Variants in ACOX3 observed in about 807,000 individuals in gnomAD.
ACOX3 encodes peroxisomal acyl-coenzyme A oxidase 3.
In ACOX3, 73 loss-of-function variants were observed where a neutral mutation model predicts 81.5. The ratio of observed to expected loss-of-function variants is 0.90; its 90% CI spans 0.74 to 1.09. The LOEUF (loss-of-function observed/expected upper bound fraction) is 1.09. Among genes scored for constraint, ACOX3 ranks in the 50% least tolerant of loss-of-function variants. ACOX3 has a pLI of 0.00. For missense variants in ACOX3, 947 were observed against 928.0 expected (o/e 1.02, Z -0.27); for synonymous variants, 387 against 375.1 (o/e 1.03, Z -0.37).
At chr4:8,415,618 C>A in intron 3 of ACOX3, 148 bp downstream of exon 3, 1 of 668,448 alleles carries the variant, frequency 1.5e-6, no homozygotes, top group Non-Finnish European at 2.5e-6. Context: ...TTTTTAAAAA[C>A]ATTAAAAAAA....
chr4:8,424,786 C>T (rs1380292526), intron 1 of ACOX3, among the ~76,000 whole-genome samples: 1 of 152,210 alleles, frequency 6.6e-6, no homozygotes, highest in Non-Finnish European at 1.5e-5. Context: ...CTACGCCGCT[C>T]GAGGGGACCT....
intron 15 of ACOX3, 110 bp downstream of exon 15, chr4:8,374,868 C>T: frequency 8.1e-7 from 1 of 1,235,264 alleles, no homozygotes. Context: ...ATCCGCCGTG[C>T]TCAGTGAGTC....
chr4:8,356,384 C>T, the ACOX3 span: 11 of 385,646 alleles, frequency 2.9e-5, no homozygotes, highest in African/African-American at 8.3e-5. Flanking sequence ...GACCAACTCA[C>T]GCACAGTGAT....
rs1201878929 is a variant in ACOX3, at chr4:8,432,802, G to C, written c.-15+7846C>G. Among the ~76,000 whole-genome samples, 2 of 152,212 alleles carry C rather than the reference G, an allele frequency of 1.3e-5. No individual in the cohort carries two copies. The highest frequency in any genetic ancestry group is 2.9e-5 in the Non-Finnish European group (2 of 68,034). ...TTAGACGCTGACAACTCAGAATGGAGGGGCTTTAAGGGTCCCAGGTGAGTG... is the reference window on the plus strand; with the variant it reads ...TTAGACGCTGACAACTCAGAATGGACGGGCTTTAAGGGTCCCAGGTGAGTG... On this transcript the variant is annotated intron_variant, in intron 1 of 17. Transcript: ENST00000356406. This position sits in a 1 kb window ranked among gnomAD's most constrained non-coding sequence, Gnocchi z 6.2.
Position 8,432,454 on chromosome 4 carries a change from C to T in ACOX3, c.-15+8194G>A, listed in dbSNP as rs1232282380. Among the ~76,000 whole-genome samples the T allele has an allele frequency of 2.6e-5, 4 of 152,000 alleles. No homozygotes were observed. The highest frequency in any genetic ancestry group is 2.9e-5 in the Non-Finnish European group (2 of 68,006). ...TTCACTGTGTTAGCCAGGATAGTCTCGATCTCCTGACCTTGTGATCCACCC... is the reference window on the plus strand; with the variant it reads ...TTCACTGTGTTAGCCAGGATAGTCTTGATCTCCTGACCTTGTGATCCACCC... On this transcript the variant is annotated intron_variant, in intron 1 of 17. Transcript: ENST00000356406. The surrounding 1 kb of genome is among the most constrained non-coding windows in gnomAD (Gnocchi z 6.2).
chr4:8,379,934 A>G (rs1171300946), intron 14 of ACOX3, among the ~76,000 whole-genome samples: 1 of 151,752 alleles, frequency 6.6e-6, no homozygotes, highest in Non-Finnish European at 1.5e-5. Context: ...TACAGACATG[A>G]GCCAGTGCAG....
In ACOX3 at chr4:8,394,552, T is replaced by C. The variant is rs1719449468; in HGVS notation, c.1179+68A>G. 5.7e-6 allele frequency: 9 copies of C among 1,571,262 alleles called. No individual in the cohort carries two copies. The South Asian group carries it at 9.1e-5, about 16-fold the overall frequency. On this transcript the variant is annotated intron_variant, in intron 10 of 17. Coordinates refer to ENST00000356406, the MANE Select transcript of ACOX3 (RefSeq NM_003501.3). The surrounding 1 kb of genome is among the most constrained non-coding windows in gnomAD (Gnocchi z 5.9). ...GACTGATTTTGCTTTGAAATGAAGGTTGAATCTATGCTGCTCCAACCGTGT... is the reference window on the plus strand; with the variant it reads ...GACTGATTTTGCTTTGAAATGAAGGCTGAATCTATGCTGCTCCAACCGTGT...
chr4:8,406,119 C>A lies in ACOX3; in HGVS notation c.688-76G>T. ...AAATCAAAACAAATGTGTTCAGAAACCCACAGGGTGGGCCATGGGCTCAAC... is the reference window on the plus strand; with the variant it reads ...AAATCAAAACAAATGTGTTCAGAAAACCACAGGGTGGGCCATGGGCTCAAC... On this transcript the variant is annotated intron_variant, in intron 6 of 17. Transcript: ENST00000356406. This position sits in a 1 kb window ranked among gnomAD's most constrained non-coding sequence, Gnocchi z 5.6. 2 of 1,454,070 alleles carry A rather than the reference C, an allele frequency of 1.4e-6. No individual in the cohort carries two copies. Among genetic ancestry groups the A allele is most frequent in the Admixed American group, 3.3e-5 (2 of 59,734 alleles). The allele number at this position is 1,454,070 out of a possible 1,614,324, so 90.1% of individuals were successfully genotyped here.
chr4:8,397,600 C>G (rs1719861285), intron 8 of ACOX3, among the ~76,000 whole-genome samples: 1 of 152,242 alleles, frequency 6.6e-6, no homozygotes, highest in South Asian at 2.1e-4. Flanking sequence ...TTACGTGCGT[C>G]TAGCTGGAAT....
intron 10 of ACOX3, among the ~76,000 whole-genome samples, chr4:8,393,641 A>G (rs200346530): frequency 8.9e-4 from 47 of 52,990 alleles, no homozygotes; most frequent in African/African-American, 2.8e-3. Context: ...ACACACGCAC[A>G]CACACACACA....
intron 11 of ACOX3, 59 bp downstream of exon 11, chr4:8,392,274 C>A: frequency 7.2e-7 from 1 of 1,393,964 alleles, no homozygotes; most frequent in South Asian, 1.9e-5. Flanking sequence ...GACCCCTGGT[C>A]TAGAGTCAAA....
At chr4:8,429,209 G>A (rs150283200) in intron 1 of ACOX3, among the ~76,000 whole-genome samples, 2 of 152,138 alleles carry the variant, frequency 1.3e-5, no homozygotes, top group East Asian at 3.8e-4. Context: ...TAGAGAAAAC[G>A]CCACTCTTTG....
chr4:8,410,381 T>G (rs1448638240), intron 5 of ACOX3, 26 bp from the exon 6 acceptor site: 1 of 1,610,134 alleles, frequency 6.2e-7, no homozygotes, highest in African/African-American at 1.3e-5. Context: ...TTTAGGTTAG[T>G]TATAATTAGC....
chr4:8,380,755 C>T (rs1578874239), intron 14 of ACOX3, among the ~76,000 whole-genome samples: 3 of 152,338 alleles, frequency 2.0e-5, no homozygotes, highest in South Asian at 2.1e-4. Flanking sequence ...TCCGTATCCA[C>T]GGCCTCCCTG....
At position 8,368,922 on chromosome 4, in the gene ACOX3, C is replaced by T. The variant is rs1306362310; in HGVS notation, c.1984-1842G>A. On this transcript the variant is annotated intron_variant, in intron 17 of 17. Transcript: ENST00000356406. The surrounding 1 kb of genome is among the most constrained non-coding windows in gnomAD (Gnocchi z 5.9). ...CTCAAACTCCTGGGCTAAAGGGATC[C>T]GCCCGCCTCAGCCTTCCAAAGTGCT... Among the ~76,000 whole-genome samples the T allele has an allele frequency of 2.6e-5, 4 of 152,018 alleles. No individual in the cohort carries two copies. Among genetic ancestry groups the T allele is most frequent in the Admixed American group, 6.6e-5 (1 of 15,260 alleles).
At position 8,384,198 on chromosome 4, in the gene ACOX3, G is replaced by T. The variant is rs1326013656; in HGVS notation, c.1538-2591C>A. ...TGGGCTTCAAGTGAGAGGGACGCTT[G>T]AGAAATGAGTTATGTTTGCACTGTG... On this transcript the variant is annotated intron_variant, in intron 13 of 17. Coordinates refer to ENST00000356406, the MANE Select transcript of ACOX3 (RefSeq NM_003501.3). The surrounding 1 kb of genome is among the most constrained non-coding windows in gnomAD (Gnocchi z 5.3). Among the ~76,000 whole-genome samples, 1 of 152,236 alleles carries T rather than the reference G, an allele frequency of 6.6e-6. No individual in the cohort carries two copies. Among genetic ancestry groups the T allele is most frequent in the African/African-American group, 2.4e-5 (1 of 41,446 alleles).
chr4:8,380,093 C>T (rs1717449774), intron 14 of ACOX3, among the ~76,000 whole-genome samples: 1 of 152,182 alleles, frequency 6.6e-6, no homozygotes, highest in Admixed American at 6.5e-5. Context: ...AGGGTCACTT[C>T]ACGCTTTGGT....
At chr4:8,374,013 C>G in intron 15 of ACOX3, 4 of 188,604 alleles carry the variant, frequency 2.1e-5, no homozygotes, top group South Asian at 1.0e-4. Context: ...TGGCAGGGGG[C>G]GCAGGGGCGA....
At chr4:8,425,867 T>C (rs1723425048) in intron 1 of ACOX3, among the ~76,000 whole-genome samples, 1 of 151,658 alleles carries the variant, frequency 6.6e-6, no homozygotes, top group Non-Finnish European at 1.5e-5. Context: ...ACCCAGCGAG[T>C]ATCGCAGACG....
Sources: gnomAD v4.1 joint callset for allele counts (sites outside exome capture counted in the v4.1 genomes callset) on GRCh38, gnomAD v4.1.1 for gene constraint, Gnocchi (gnomAD v3.1) non-coding constraint, MANE v1.5 for transcripts, NCBI Gene and HGNC (gene_info 2026-07-23, HGNC 2026-07-21) for gene names.